The following CPNE1 variants were observed in gnomAD, a reference collection of about 807,000 sequenced individuals.
The protein encoded by CPNE1 is copine 1, also known as copine-1.
Under a neutral mutation model 63.2 loss-of-function variants are expected in CPNE1, and 58 were observed. The observed-to-expected ratio is 0.92, with a 90% CI of 0.74 to 1.14. CPNE1 has a LOEUF of 1.14. Among genes scored for constraint, CPNE1 ranks in the 50% most tolerant of loss-of-function variants. CPNE1 has a pLI of 0.00. For synonymous variants in CPNE1, 237 were observed against 249.0 expected (o/e 0.95, Z 0.45); for missense variants, 672 against 661.7 (o/e 1.02, Z -0.17).
At chr20:35,649,598 T>A (rs531641752) in intron 1 of CPNE1, 7 of 152,752 alleles carry the variant, frequency 4.6e-5, no homozygotes, top group Non-Finnish European at 1.0e-4. Flanking sequence ...TAATAATAAT[T>A]GTACATCCAA....
At chr20:35,660,601 T>A (rs1375189986) in intron 1 of CPNE1, among the ~76,000 whole-genome samples, 3 of 152,150 alleles carry the variant, frequency 2.0e-5, no homozygotes, top group Non-Finnish European at 4.4e-5. Flanking sequence ...AAGGAAAATG[T>A]GAAACAGAAA....
intron 6 of CPNE1, 79 bp downstream of exon 6, chr20:35,631,866 T>C (rs1162281456): frequency 6.4e-7 from 1 of 1,555,038 alleles, no homozygotes; most frequent in Non-Finnish European, 8.9e-7. Context: ...AGTCTCTTTC[T>C]GAGTTCCAAA....
intron 1 of CPNE1, among the ~76,000 whole-genome samples, chr20:35,658,535 T>C (rs2034036646): frequency 6.6e-6 from 1 of 151,760 alleles, no homozygotes; most frequent in Admixed American, 6.6e-5. Flanking sequence ...CTAAGGCAGG[T>C]GGATCACAAG....
chr20:35,657,432 ACAT>A (rs2033963699), intron 1 of CPNE1, among the ~76,000 whole-genome samples: 1 of 152,214 alleles, frequency 6.6e-6, no homozygotes, highest in Non-Finnish European at 1.5e-5. Context: ...TATAGGGGAA[ACAT>A]CATGGGCAAT....
chr20:35,642,502 C>A (rs2032868471), intron 1 of CPNE1, among the ~76,000 whole-genome samples: 1 of 152,188 alleles, frequency 6.6e-6, no homozygotes, highest in African/African-American at 2.4e-5. Flanking sequence ...CATAGGCTTA[C>A]AAAGGACCAC....
At position 35,632,942 on chromosome 20, in the gene CPNE1, G is replaced by T. The variant is rs1296996424; in HGVS notation, c.1-19C>A. 2.3e-6 allele frequency: 2 copies of T among 865,612 alleles called. No individual in the cohort carries two copies. Among genetic ancestry groups the T allele is most frequent in the Non-Finnish European group, 4.0e-6 (2 of 497,818 alleles). The allele number at this position is 865,612 out of a possible 1,614,324, so 53.6% of individuals were successfully genotyped here. ...GGGCCATCTGAGGGAAAAGGAGCTG[G>T]GTCAAGCACCAGGGAGCCTTCTCTC... On this transcript the variant is annotated intron_variant, in intron 1 of 15. Transcript: ENST00000397443.
intron 11 of CPNE1, 39 bp from the exon 12 acceptor site, chr20:35,630,834 G>A: frequency 6.2e-7 from 1 of 1,607,106 alleles, no homozygotes; most frequent in Non-Finnish European, 8.5e-7. Context: ...GGCAGTGAGG[G>A]GACTGTAAGC....
chr20:35,651,697 C>G (rs2033531934), intron 1 of CPNE1: 1 of 152,670 alleles, frequency 6.6e-6, no homozygotes, highest in South Asian at 2.1e-4. Context: ...GTTTTCGATA[C>G]CATCCAAACA....
Position 35,632,349 on chromosome 20 carries a change from G to T in CPNE1, c.346C>A (p.Leu116Met). The T allele has an allele frequency of 6.2e-7, 1 of 1,613,994 alleles. No homozygotes were observed. Among genetic ancestry groups the T allele is most frequent in the African/African-American group, 1.3e-5 (1 of 75,004 alleles). ...SSQVLTLPLM[L>M]KPGKPAGRGT... is the part of the protein sequence containing the mutation. ...CGCCCAGCAGGTTTTCCAGGCTTCA[G>T]CATCAAGGGGAGAGTCAGTACCTGG... The change falls in exon 4 of 16, where the codon CTG becomes ATG. Residue 116 changes from leucine to methionine, a missense_variant. Coordinates refer to ENST00000397443, the MANE Select transcript of CPNE1 (RefSeq NM_152925.3).
At chr20:35,654,128 C>T in intron 1 of CPNE1, 1 of 1,614,212 alleles carries the variant, frequency 6.2e-7, no homozygotes, top group Non-Finnish European at 8.5e-7. Flanking sequence ...TGAGTTTGTC[C>T]AGAAGGTCCC....
chr20:35,651,407 G>C (rs1414708538), intron 1 of CPNE1: 1 of 152,144 alleles, frequency 6.6e-6, no homozygotes, highest in Non-Finnish European at 1.5e-5. Flanking sequence ...GCTCCTGATC[G>C]AACAACTATG....
At chr20:35,653,447 C>T (rs775377589) in intron 1 of CPNE1, 1 of 1,614,116 alleles carries the variant, frequency 6.2e-7, no homozygotes, top group South Asian at 1.1e-5. Context: ...TTCTCAATCT[C>T]TCTCATATCT....
intron 1 of CPNE1, among the ~76,000 whole-genome samples, chr20:35,644,806 T>C (rs1428360690): frequency 6.6e-6 from 1 of 152,154 alleles, no homozygotes. Flanking sequence ...ATTCTCCCTA[T>C]TTGTCTGACT....
chr20:35,655,123 G>A (rs772384174), intron 1 of CPNE1: 21 of 1,613,934 alleles, frequency 1.3e-5, no homozygotes, highest in Non-Finnish European at 1.8e-5. Context: ...TGTTACTTTT[G>A]ACCCTTTAAT....
intron 1 of CPNE1, among the ~76,000 whole-genome samples, chr20:35,657,054 C>T (rs2033943147): frequency 6.6e-6 from 1 of 151,734 alleles, no homozygotes; most frequent in Non-Finnish European, 1.5e-5. Context: ...AACTGCTTGG[C>T]TTTGACAGTT....
At chr20:35,654,490 C>A (rs2033765152) in intron 1 of CPNE1, 1 of 1,614,156 alleles carries the variant, frequency 6.2e-7, no homozygotes, top group Non-Finnish European at 8.5e-7. Context: ...ATTCAACGGA[C>A]CAAGAAACAT....
chr20:35,663,358 C>T (rs2034341196), intron 1 of CPNE1, among the ~76,000 whole-genome samples: 1 of 152,140 alleles, frequency 6.6e-6, no homozygotes, highest in Non-Finnish European at 1.5e-5. Context: ...TAACAAGGTC[C>T]CAGACAATTC....
At chr20:35,639,368 A>G (rs747020957) in intron 1 of CPNE1, among the ~76,000 whole-genome samples, 6 of 151,994 alleles carry the variant, frequency 3.9e-5, no homozygotes, top group Non-Finnish European at 7.4e-5. Flanking sequence ...ACAGAGTCTC[A>G]CTCTGTTGCC....
chr20:35,662,794 C>G (rs1450927056), intron 1 of CPNE1, among the ~76,000 whole-genome samples: 2 of 152,156 alleles, frequency 1.3e-5, no homozygotes, highest in Non-Finnish European at 2.9e-5. Context: ...ACTCAATCAT[C>G]AAAACATTTG....
Sources: allele counts gnomAD v4.1 joint callset (sites outside exome capture counted in the v4.1 genomes callset), GRCh38; gene constraint gnomAD v4.1.1; transcripts MANE v1.5; gene names NCBI Gene and HGNC (gene_info 2026-07-23, HGNC 2026-07-21).